Variants in FUT8 observed in about 807,000 individuals in gnomAD.
FUT8 encodes the protein alpha-(1,6)-fucosyltransferase.
In FUT8, 29 loss-of-function variants were observed where a neutral mutation model predicts 71.3. The ratio of observed to expected loss-of-function variants is 0.41; its 90% CI spans 0.30 to 0.55. The LOEUF is 0.55. Among genes scored for constraint, FUT8 ranks in the 20% least tolerant of loss-of-function variants. The pLI, the probability that FUT8 is intolerant of heterozygous loss-of-function variation, is 0.34. For synonymous variants in FUT8, 254 were observed against 239.3 expected, an observed-to-expected ratio of 1.06 and a Z score of -0.57; for missense variants, 544 against 702.1, an observed-to-expected ratio of 0.77 and a Z score of 2.55.
chr14:65,430,894 G>T (rs1035050584), intron 1 of FUT8, among the ~76,000 whole-genome samples: 1 of 151,928 alleles, frequency 6.6e-6, no homozygotes. Context: ...AATGAGATGA[G>T]CAATTAATGA....
At chr14:65,661,217 A>G (rs1891945345) in intron 6 of FUT8, among the ~76,000 whole-genome samples, 1 of 152,284 alleles carries the variant, frequency 6.6e-6, no homozygotes, top group Non-Finnish European at 1.5e-5. Flanking sequence ...AAATAGCCAG[A>G]TAGGTGTTTT....
At chr14:65,487,764 A>T (rs1158258554) in intron 2 of FUT8, among the ~76,000 whole-genome samples, 1 of 151,854 alleles carries the variant, frequency 6.6e-6, no homozygotes, top group Non-Finnish European at 1.5e-5. Flanking sequence ...GAGATCAAGG[A>T]GTTAGTGTTT....
intron 3 of FUT8, among the ~76,000 whole-genome samples, chr14:65,613,094 A>G (rs928893771): frequency 1.3e-5 from 2 of 151,830 alleles, no homozygotes; most frequent in Non-Finnish European, 2.9e-5. Flanking sequence ...ATGGATTACT[A>G]ATTCCATTAT....
upstream of FUT8, among the ~76,000 whole-genome samples, chr14:65,409,402 C>G (rs75636161): frequency 0.018 from 2,706 of 152,274 alleles, 81 homozygotes; most frequent in African/African-American, 0.062. This position sits in a 1 kb window ranked among gnomAD's most constrained non-coding sequence, Gnocchi z 5.4. Context: ...CAGATCTCCC[C>G]ACCGTAATAA....
chr14:65,416,315 C>CT (rs60272967), intron 1 of FUT8, among the ~76,000 whole-genome samples: 106 of 144,052 alleles, frequency 7.4e-4, no homozygotes, highest in South Asian at 1.5e-3. Flanking sequence ...ATTATGGTAC[C>CT]TTTTTTTTTT....
At chr14:65,425,066 A>G (rs1035183926) in intron 1 of FUT8, among the ~76,000 whole-genome samples, 1 of 152,216 alleles carries the variant, frequency 6.6e-6, no homozygotes, top group African/African-American at 2.4e-5. Context: ...AAACATTAGC[A>G]TATGAGTGGA....
intron 2 of FUT8, among the ~76,000 whole-genome samples, chr14:65,474,400 C>T (rs58644836): frequency 5.2e-5 from 7 of 134,470 alleles, no homozygotes; most frequent in African/African-American, 1.1e-4. Context: ...GTCAGGAGTT[C>T]GGGACCAGCC....
At chr14:65,644,762 A>G (rs1002352421) in intron 6 of FUT8, among the ~76,000 whole-genome samples, 1 of 152,212 alleles carries the variant, frequency 6.6e-6, no homozygotes, top group Non-Finnish European at 1.5e-5. Flanking sequence ...CAACTGATTA[A>G]CATATATAAC....
chr14:65,476,147 A>G (rs1322526478), intron 2 of FUT8, among the ~76,000 whole-genome samples: 1 of 152,152 alleles, frequency 6.6e-6, no homozygotes, highest in Non-Finnish European at 1.5e-5. Context: ...TACAACTCCA[A>G]TTACTCCTTC....
At chr14:65,646,217 C>T (rs192339589) in intron 6 of FUT8, 9 of 152,282 alleles carry the variant, frequency 5.9e-5, no homozygotes, top group African/African-American at 2.2e-4. Flanking sequence ...GAAGCTCTTC[C>T]CATTGAACTA....
the FUT8 span, among the ~76,000 whole-genome samples, chr14:65,361,215 G>T: frequency 6.6e-6 from 1 of 151,842 alleles, no homozygotes; most frequent in Non-Finnish European, 1.5e-5. Context: ...AATTAGCCGG[G>T]CGTGGTGGTG....
the FUT8 span, among the ~76,000 whole-genome samples, chr14:65,401,511 G>C: frequency 1.3e-5 from 2 of 152,202 alleles, no homozygotes; most frequent in Non-Finnish European, 2.9e-5. Context: ...AGGAAACTGA[G>C]AATTTGCAAG....
intron 2 of FUT8, among the ~76,000 whole-genome samples, chr14:65,541,884 G>T (rs1884698697): frequency 6.6e-6 from 1 of 152,188 alleles, no homozygotes; most frequent in South Asian, 2.1e-4. Flanking sequence ...TGTGTTAAAA[G>T]TATACATAGA....
At chr14:65,382,555 G>A in the FUT8 span, among the ~76,000 whole-genome samples, 2 of 152,092 alleles carry the variant, frequency 1.3e-5, no homozygotes, top group South Asian at 2.1e-4. Flanking sequence ...GGCCAGGCTG[G>A]TCTTGAACTC....
chr14:65,373,130 C>T, the FUT8 span, among the ~76,000 whole-genome samples: 347 of 151,940 alleles, frequency 2.3e-3, no homozygotes, highest in Non-Finnish European at 4.1e-3. Flanking sequence ...CTGAATTTAT[C>T]TGGCCATTCT....
At chr14:65,696,019 T>C (rs1893978195) in intron 7 of FUT8, among the ~76,000 whole-genome samples, 1 of 152,172 alleles carries the variant, frequency 6.6e-6, no homozygotes, top group African/African-American at 2.4e-5. Context: ...CAAGACCTTA[T>C]AACAGAGTAT....
At position 65,728,674 on chromosome 14, in the gene FUT8, T is replaced by C. The variant is rs1349080652; in HGVS notation, c.1259+4351T>C. 2.8e-5 allele frequency among the ~76,000 whole-genome samples: 3 copies of C among 108,098 alleles called. 1 individual carries two copies. The highest frequency in any genetic ancestry group is 6.1e-5 in the Non-Finnish European group (3 of 49,168). 70.9% of individuals were successfully genotyped at this position (108,098 alleles called of 152,430 possible). Reference sequence around the variant, plus strand: ...AAAACTATACTTTTACTGTACCTTTTCTATGTTTAGATAACACAAATAGTT... The same window carrying C: ...AAAACTATACTTTTACTGTACCTTTCCTATGTTTAGATAACACAAATAGTT... On this transcript the variant is annotated intron_variant, in intron 9 of 10. Transcript: ENST00000673929.
At chr14:65,658,181 A>C (rs987298292) in intron 6 of FUT8, among the ~76,000 whole-genome samples, 1 of 152,168 alleles carries the variant, frequency 6.6e-6, no homozygotes, top group African/African-American at 2.4e-5. Context: ...CAAAAGACAT[A>C]TACAGATGAC....
intron 2 of FUT8, among the ~76,000 whole-genome samples, chr14:65,503,563 C>T (rs1464870002): frequency 6.6e-6 from 1 of 152,146 alleles, no homozygotes; most frequent in Non-Finnish European, 1.5e-5. Context: ...ATTTTACTTT[C>T]AGTAATTTCT....
Sources: allele counts gnomAD v4.1 joint callset (sites outside exome capture counted in the v4.1 genomes callset), GRCh38; gene constraint gnomAD v4.1.1; non-coding constraint Gnocchi (gnomAD v3.1); transcripts MANE v1.5; gene names NCBI Gene and HGNC (gene_info 2026-07-23, HGNC 2026-07-21).